NDUFA10: variants seen among roughly 807,000 people sequenced by gnomAD.
The protein encoded by NDUFA10 is NADH dehydrogenase [ubiquinone] 1 alpha subcomplex subunit 10, mitochondrial.
In NDUFA10, 40 loss-of-function variants were observed where a neutral mutation model predicts 47.8. The observed-to-expected ratio is 0.84, with a 90% CI of 0.65 to 1.09. NDUFA10 has a LOEUF of 1.09. Ranked by LOEUF, NDUFA10 falls within the 50% of genes least tolerant of loss-of-function variation. NDUFA10 has a pLI of 0.00. For missense variants in NDUFA10, 413 were observed against 451.1 expected (o/e 0.92, Z 0.76); for synonymous variants, 183 against 172.2 (o/e 1.06, Z -0.49).
rs1371466569 is a variant in NDUFA10 at position 239,987,263 on chromosome 2, G to C, written c.999+2811C>G. On this transcript the variant is annotated intron_variant, in intron 9 of 9. Coordinates refer to ENST00000252711, the MANE Select transcript of NDUFA10 (RefSeq NM_004544.4). The surrounding 1 kb of genome is among the most constrained non-coding windows in gnomAD (Gnocchi z 4.8). ...ACAGCTGTCCTGGGGTTGTGGAGGA[G>C]AACACCCTTGTTTGTGAGAATTACA... 1.3e-5 allele frequency among the ~76,000 whole-genome samples: 2 copies of C among 152,138 alleles called. No homozygotes were observed. Among genetic ancestry groups the C allele is most frequent in the Non-Finnish European group, 2.9e-5 (2 of 68,006 alleles).
intron 4 of NDUFA10, among the ~76,000 whole-genome samples, chr2:239,920,226 G>A (rs1038220837): frequency 6.6e-5 from 10 of 152,088 alleles, no homozygotes; most frequent in African/African-American, 1.9e-4. Flanking sequence ...GGTGGGGAGA[G>A]GGCCCTCCCC....
chr2:240,012,669 G>A (rs1334779909), intron 5 of NDUFA10: 1 of 152,166 alleles, frequency 6.6e-6, no homozygotes, highest in African/African-American at 2.4e-5. Context: ...CCTCATTAAA[G>A]CTGTTCAAAA....
intron 9 of NDUFA10, among the ~76,000 whole-genome samples, chr2:239,972,422 T>C (rs1002870204): frequency 2.0e-5 from 3 of 152,098 alleles, no homozygotes; most frequent in Admixed American, 6.6e-5. Context: ...AGTTCTGGGG[T>C]GATTTGGAAA....
chr2:239,911,729 C>T (rs73099817), intron 4 of NDUFA10, among the ~76,000 whole-genome samples: 39,407 of 150,140 alleles, frequency 0.26, 5,657 homozygotes, highest in East Asian at 0.36. Context: ...CTCTCCCCTT[C>T]CCTCTCTTCC....
At chr2:239,951,267 G>A (rs1263108050) in intron 4 of NDUFA10, among the ~76,000 whole-genome samples, 2 of 152,348 alleles carry the variant, frequency 1.3e-5, no homozygotes, top group Non-Finnish European at 2.9e-5. Context: ...GCCTCGGGAG[G>A]GCCACACGCT....
intron 5 of NDUFA10, among the ~76,000 whole-genome samples, chr2:239,895,006 C>A (rs1351862555): frequency 6.6e-6 from 1 of 152,142 alleles, no homozygotes; most frequent in Non-Finnish European, 1.5e-5. Flanking sequence ...TCGCCCAAAC[C>A]AGAAACCCAG....
chr2:239,993,714 C>T, intron 8 of NDUFA10, among the ~76,000 whole-genome samples: 1 of 152,162 alleles, frequency 6.6e-6, no homozygotes, highest in Non-Finnish European at 1.5e-5. Flanking sequence ...GGATTACACA[C>T]CAAGGGGAGC....
At position 239,945,312 on chromosome 2, in the gene NDUFA10, C is replaced by T. The variant is rs1007069403; in HGVS notation, c.294+44762G>A. The stretch of plus-strand genomic sequence containing the variant: ...CTCCTGCTTTGCAGCCAGGAAGACA[C>T]GAGCTCACAGATCAGCAATTTGCCC... On this transcript the variant is annotated intron_variant, in intron 4 of 5. Transcript: ENST00000419408. The surrounding 1 kb of genome is among the most constrained non-coding windows in gnomAD (Gnocchi z 4.6). Among the ~76,000 whole-genome samples, 7 of 152,222 alleles carry T rather than the reference C, an allele frequency of 4.6e-5. No homozygotes were observed. The highest frequency in any genetic ancestry group is 7.3e-5 in the Non-Finnish European group (5 of 68,042).
At chr2:239,915,074 GACAC>G (rs150741618) in intron 4 of NDUFA10, among the ~76,000 whole-genome samples, 16,337 of 124,598 alleles carry the variant, frequency 0.13, 1,639 homozygotes, top group African/African-American at 0.18. Flanking sequence ...CAAATATACA[GACAC>G]ACACAGAGAC....
chr2:239,920,068 C>G (rs1693943190), intron 4 of NDUFA10, among the ~76,000 whole-genome samples: 1 of 152,210 alleles, frequency 6.6e-6, no homozygotes, highest in South Asian at 2.1e-4. Context: ...TGTTGAAGCC[C>G]TGGTCCCAGC....
intron 4 of NDUFA10, among the ~76,000 whole-genome samples, chr2:239,915,702 TACAC>T (rs751604746): frequency 7.4e-6 from 1 of 136,026 alleles, no homozygotes; most frequent in African/African-American, 2.8e-5. Context: ...CACACATACA[TACAC>T]AGACATACAC....
downstream of NDUFA10, among the ~76,000 whole-genome samples, chr2:239,955,290 A>G (rs1223559854): frequency 2.0e-5 from 3 of 152,118 alleles, no homozygotes; most frequent in Non-Finnish European, 2.9e-5. Flanking sequence ...GGGTGGAGAG[A>G]CCATGAAAAT....
Position 239,984,676 on chromosome 2 carries a change from T to C in NDUFA10, c.999+5398A>G, listed in dbSNP as rs143106563. On this transcript the variant is annotated intron_variant, in intron 9 of 9. Transcript: ENST00000252711. Reference sequence around the variant, plus strand: ...TCCTGAACAACCAAACAGGGGACAATGTAGAAAAGAATTCTACAAAGGCAA... The same window carrying C: ...TCCTGAACAACCAAACAGGGGACAACGTAGAAAAGAATTCTACAAAGGCAA... Among the ~76,000 whole-genome samples, 881 of 152,314 alleles carry C rather than the reference T, an allele frequency of 5.8e-3. 9 individuals carry two copies. The highest frequency in any genetic ancestry group is 0.02 in the African/African-American group (832 of 41,558).
At position 240,015,549 on chromosome 2, in the gene NDUFA10, T is replaced by G. The variant is rs536006838; in HGVS notation, c.548-689A>C. On this transcript the variant is annotated intron_variant, in intron 4 of 9. Transcript: ENST00000252711. ...GAAGTATCTACTGAGTCAGATTTAG[T>G]GACAACATGAAATTGAAAGCAGCTA... is the stretch of plus-strand genomic sequence containing the variant. Among the ~76,000 whole-genome samples the G allele has an allele frequency of 9.2e-5, 14 of 152,348 alleles. No individual in the cohort carries two copies. In the South Asian group the frequency reaches 1.7e-3, roughly 18 times the overall value.
intron 4 of NDUFA10, among the ~76,000 whole-genome samples, chr2:239,897,645 G>A (rs1006950876): frequency 2.6e-5 from 4 of 152,210 alleles, no homozygotes; most frequent in Admixed American, 1.3e-4. Flanking sequence ...TTCCAGGCCG[G>A]CAGCTTCCCT....
chr2:240,005,434 G>T, intron 7 of NDUFA10, 139 bp from the exon 8 acceptor site: 1 of 700,426 alleles, frequency 1.4e-6, no homozygotes, highest in Non-Finnish European at 2.5e-6. Flanking sequence ...CTGCAGCCTT[G>T]GCCTGCTGGG....
chr2:239,903,348 C>T (rs762815581), intron 4 of NDUFA10, among the ~76,000 whole-genome samples: 2 of 152,198 alleles, frequency 1.3e-5, no homozygotes, highest in Non-Finnish European at 2.9e-5. Context: ...GCTCCTTCTG[C>T]ATTTTACCTG....
chr2:239,984,704 T>G (rs1340947542), intron 9 of NDUFA10, among the ~76,000 whole-genome samples: 1 of 152,126 alleles, frequency 6.6e-6, no homozygotes, highest in African/African-American at 2.4e-5. Context: ...AAAGGCAACA[T>G]CAGGCTGTAA....
intron 4 of NDUFA10, among the ~76,000 whole-genome samples, chr2:239,905,248 G>C: frequency 6.6e-6 from 1 of 152,146 alleles, no homozygotes; most frequent in Admixed American, 6.5e-5. Context: ...GTATGGGAAG[G>C]GGGCTTCCTT....
Sources: gnomAD v4.1 joint callset for allele counts (sites outside exome capture counted in the v4.1 genomes callset) on GRCh38, gnomAD v4.1.1 for gene constraint, Gnocchi (gnomAD v3.1) non-coding constraint, MANE v1.5 for transcripts, NCBI Gene and HGNC (gene_info 2026-07-23, HGNC 2026-07-21) for gene names.